Variants in KCNQ3 observed in about 807,000 individuals in gnomAD.
KCNQ3 encodes the protein potassium voltage-gated channel subfamily KQT member 3.
A neutral mutation model predicts 92.5 loss-of-function variants in KCNQ3; 30 were observed. The ratio of observed to expected loss-of-function variants is 0.32; its 90% CI spans 0.24 to 0.44. The LOEUF (loss-of-function observed/expected upper bound fraction) is 0.44, where lower values mean the gene tolerates loss of function less well. Ranked by LOEUF, KCNQ3 falls within the 20% of genes least tolerant of loss-of-function variation. KCNQ3 has a pLI of 1.00. For missense variants in KCNQ3, 913 were observed against 1,140.3 expected (o/e 0.80, Z 2.87); for synonymous variants, 450 against 468.8 (o/e 0.96, Z 0.52).
chr8:132,164,431 A>C (rs1399244098), intron 8 of KCNQ3, among the ~76,000 whole-genome samples: 5 of 149,820 alleles, frequency 3.3e-5, no homozygotes, highest in African/African-American at 1.3e-4. Context: ...CTGGCCTAAC[A>C]TAGGGATCCA....
intron 13 of KCNQ3, 40 bp from the exon 14 acceptor site, chr8:132,132,304 A>G: frequency 6.6e-7 from 1 of 1,513,834 alleles, no homozygotes; most frequent in South Asian, 1.1e-5. Context: ...CATTATATCT[A>G]TTTTTGCTAT....
intron 1 of KCNQ3, among the ~76,000 whole-genome samples, chr8:132,246,998 C>T (rs1481519026): frequency 6.6e-6 from 1 of 152,228 alleles, no homozygotes; most frequent in Non-Finnish European, 1.5e-5. Flanking sequence ...CAAGAAATTA[C>T]AGTCACAGTA....
rs1824675132 is a variant in KCNQ3, at chr8:132,126,561, GTTC to G, written c.*2698_*2700del. On this transcript the variant is annotated 3_prime_UTR_variant, in exon 15 of 15. Coordinates refer to ENST00000388996, the MANE Select transcript of KCNQ3 (RefSeq NM_004519.4). ...AAATGGGAAAAAAACAGCTCTTAAG[GTTC>G]TTATTATTTATTCATTCATAAAACA... 6.6e-6 allele frequency: 1 copy of G among 151,658 alleles called. No homozygotes were observed. Among genetic ancestry groups the G allele is most frequent in the South Asian group, 2.1e-4 (1 of 4,780 alleles). 9.4% of individuals were successfully genotyped at this position (151,658 alleles called of 1,614,324 possible).
At chr8:132,443,334 A>G (rs1256460245) in intron 1 of KCNQ3, among the ~76,000 whole-genome samples, 1 of 151,924 alleles carries the variant, frequency 6.6e-6, no homozygotes, top group Non-Finnish European at 1.5e-5. Flanking sequence ...AGGCACCACC[A>G]AACCAGGTAA....
chr8:132,398,333 T>C (rs984586818), intron 1 of KCNQ3, among the ~76,000 whole-genome samples: 5 of 152,170 alleles, frequency 3.3e-5, no homozygotes, highest in African/African-American at 1.2e-4. Flanking sequence ...CTCTTGATTT[T>C]GCTTTTGCAT....
chr8:132,248,136 C>A (rs970943299), intron 1 of KCNQ3, among the ~76,000 whole-genome samples: 2 of 152,090 alleles, frequency 1.3e-5, no homozygotes, highest in African/African-American at 4.8e-5. Context: ...ATGTACATAT[C>A]AAAAATATAT....
chr8:132,229,115 G>T (rs577489048), intron 1 of KCNQ3, among the ~76,000 whole-genome samples: 1 of 152,142 alleles, frequency 6.6e-6, no homozygotes, highest in Non-Finnish European at 1.5e-5. Context: ...TTAGCTGGGC[G>T]TGGTGGCACA....
chr8:132,458,851 G>A (rs972217079), intron 1 of KCNQ3, among the ~76,000 whole-genome samples: 4 of 152,140 alleles, frequency 2.6e-5, no homozygotes, highest in African/African-American at 9.7e-5. Context: ...TCTTACATTA[G>A]TATGATACAT....
chr8:132,310,335 C>G (rs1469726101), intron 1 of KCNQ3, among the ~76,000 whole-genome samples: 1 of 152,208 alleles, frequency 6.6e-6, no homozygotes, highest in Non-Finnish European at 1.5e-5. Context: ...TCCCCCAGCT[C>G]CCTTTTCCAT....
At chr8:132,150,628 T>A (rs1308483503) in intron 9 of KCNQ3, among the ~76,000 whole-genome samples, 1 of 152,062 alleles carries the variant, frequency 6.6e-6, no homozygotes, top group Admixed American at 6.5e-5. Flanking sequence ...GGGAAAAGGT[T>A]TTTTTTTGGT....
chr8:132,456,304 G>A (rs754127820), intron 1 of KCNQ3, among the ~76,000 whole-genome samples: 21 of 152,120 alleles, frequency 1.4e-4, no homozygotes, highest in Non-Finnish European at 2.2e-4. Flanking sequence ...CCGAGTCACC[G>A]CAATATTCCT....
chr8:132,328,702 T>A (rs889861563), intron 1 of KCNQ3, among the ~76,000 whole-genome samples: 4 of 152,200 alleles, frequency 2.6e-5, no homozygotes, highest in African/African-American at 9.6e-5. Context: ...TACCATTTTT[T>A]ACAATACTCC....
At chr8:132,296,192 A>G (rs902018830) in intron 1 of KCNQ3, among the ~76,000 whole-genome samples, 4 of 152,180 alleles carry the variant, frequency 2.6e-5, no homozygotes, top group African/African-American at 9.7e-5. Flanking sequence ...AGAACAGAAC[A>G]CTTCCATCAT....
chr8:132,347,966 G>C (rs1343276903), intron 1 of KCNQ3, among the ~76,000 whole-genome samples: 10 of 123,310 alleles, frequency 8.1e-5, no homozygotes, highest in African/African-American at 3.2e-4. Context: ...GACAGAGCGA[G>C]AGACTCCATC....
chr8:132,338,730 G>A (rs1818436361), intron 1 of KCNQ3, among the ~76,000 whole-genome samples: 1 of 152,178 alleles, frequency 6.6e-6, no homozygotes, highest in Admixed American at 6.5e-5. Flanking sequence ...TTCTTGCTGA[G>A]GGGATGCTGA....
chr8:132,197,806 C>T (rs760904649), intron 1 of KCNQ3, among the ~76,000 whole-genome samples: 14 of 152,154 alleles, frequency 9.2e-5, no homozygotes, highest in Non-Finnish European at 1.8e-4. Flanking sequence ...AGTTTCATGC[C>T]AGGGTAATAG....
At chr8:132,175,695 C>A in intron 4 of KCNQ3, 87 bp from the exon 5 acceptor site, 1 of 1,258,804 alleles carries the variant, frequency 7.9e-7, no homozygotes, top group Non-Finnish European at 1.1e-6. Context: ...AGTTAGAGTC[C>A]AAGTTTACCA....
intron 6 of KCNQ3, 82 bp downstream of exon 6, chr8:132,174,157 G>A: frequency 4.2e-6 from 4 of 947,174 alleles, no homozygotes; most frequent in African/African-American, 1.6e-5. Context: ...GATAGAAGAT[G>A]ACACTGGAAA....
At chr8:132,267,537 C>T (rs1816026268) in intron 1 of KCNQ3, among the ~76,000 whole-genome samples, 1 of 152,168 alleles carries the variant, frequency 6.6e-6, no homozygotes, top group African/African-American at 2.4e-5. Flanking sequence ...CTCTTTATGG[C>T]CTACAGTGCA....
Sources: allele counts gnomAD v4.1 joint callset (sites outside exome capture counted in the v4.1 genomes callset), GRCh38; gene constraint gnomAD v4.1.1; transcripts MANE v1.5; gene names NCBI Gene and HGNC (gene_info 2026-07-23, HGNC 2026-07-21).